The following CENPX variants were observed in gnomAD, a reference collection of about 807,000 sequenced individuals.
CENPX encodes centromere protein X.
In CENPX, 13 loss-of-function variants were observed where a neutral mutation model predicts 13.2. The ratio of observed to expected loss-of-function variants is 0.98; its 90% CI spans 0.64 to 1.56. CENPX has a LOEUF of 1.56. Ranked by LOEUF, CENPX falls within the 40% of genes most tolerant of loss-of-function variation. The pLI, the probability that CENPX is intolerant of heterozygous loss-of-function variation, is 0.00. For missense variants in CENPX, 138 were observed against 107.5 expected, an observed-to-expected ratio of 1.28 and a Z score of -1.26; for synonymous variants, 66 against 47.2, an observed-to-expected ratio of 1.40 and a Z score of -1.63.
intron 3 of CENPX, 84 bp from the exon 4 acceptor site, chr17:82,019,465 C>T (rs531244779): frequency 2.0e-6 from 3 of 1,510,624 alleles, no homozygotes; most frequent in Non-Finnish European, 8.9e-7. Flanking sequence ...GGGCCGGTGC[C>T]CCCCCCAACA....
At chr17:82,021,912 C>G (rs978757410) in intron 1 of CENPX, among the ~76,000 whole-genome samples, 1 of 152,198 alleles carries the variant, frequency 6.6e-6, no homozygotes, top group African/African-American at 2.4e-5. Context: ...CGCCTGCTGC[C>G]TTGGGTGATA....
At chr17:82,020,985 G>A (rs946388617) in intron 1 of CENPX, among the ~76,000 whole-genome samples, 3 of 152,226 alleles carry the variant, frequency 2.0e-5, no homozygotes, top group Non-Finnish European at 4.4e-5. Context: ...CGCCGGGAAA[G>A]GAGCCAGCAC....
chr17:82,019,947 T>G, intron 1 of CENPX, 38 bp from the exon 2 acceptor site: 10 of 1,247,754 alleles, frequency 8.0e-6, no homozygotes, highest in Non-Finnish European at 9.7e-6. Flanking sequence ...CGCCCCGCCC[T>G]CCCCCCCGCA....
intron 1 of CENPX, 48 bp from the exon 2 acceptor site, chr17:82,019,957 ACC>A: frequency 8.8e-7 from 1 of 1,139,862 alleles, no homozygotes; most frequent in Non-Finnish European, 1.2e-6. Context: ...TCCCCCCCGC[ACC>A]CCCCAGGGTG....
chr17:82,022,578 C>T (rs1454082941), intron 1 of CENPX: 5 of 572,130 alleles, frequency 8.7e-6, no homozygotes, highest in Non-Finnish European at 1.5e-5. Context: ...CCCACCCCTG[C>T]CTGTTTCTGC....
Position 82,019,319 on chromosome 17 carries a change from G to C in CENPX, c.205C>G (p.Gln69Glu), listed in dbSNP as rs974156054. 1 of 1,589,450 alleles carries C rather than the reference G, an allele frequency of 6.3e-7. No individual in the cohort carries two copies. Among genetic ancestry groups the C allele is most frequent in the Non-Finnish European group, 8.5e-7 (1 of 1,169,626 alleles). ...AGCTGCGGAAGCACCTTCTCCAGCT[G>C]GTCCACGTCCACACGGAGCGCGTCT... ...AEDALRVDVD[Q>E]LEKVLPQLLL... Residue 69 changes from glutamine (Q) to glutamate (E), a missense_variant, in exon 4 of 5, where the codon CAG becomes GAG. By Grantham distance (29) the Gln-to-Glu change is conservative. Transcript: ENST00000392359.
chr17:82,019,476 C>G (rs766282544), intron 3 of CENPX, 95 bp from the exon 4 acceptor site: 1 of 1,509,838 alleles, frequency 6.6e-7, no homozygotes, highest in Admixed American at 2.0e-5. Context: ...CCCCCCAACA[C>G]CCACGGGCAG....
chr17:82,022,871 C>T lies in CENPX; in HGVS notation c.-10G>A, dbSNP rs764769043. 2 of 1,589,288 alleles carry T rather than the reference C, an allele frequency of 1.3e-6. No homozygotes were observed. The highest frequency in any genetic ancestry group is 2.3e-5 in the East Asian group (1 of 43,862). On this transcript the variant is annotated 5_prime_UTR_variant, in exon 1 of 5. Transcript: ENST00000392359. ...CTCCTGCTCCCTCCATGACCGCAGC[C>T]TCAACGCGCGCCCACCGGAACCCCG...
chr17:82,019,167 G>A lies in CENPX; in HGVS notation c.*38C>T, dbSNP rs765539366. ...ACAAGGCCTGCTTCTGTGGACCAGG[G>A]GCTCCTCTGGGGGTGGCCTCAGCCA... On this transcript the variant is annotated 3_prime_UTR_variant, in exon 5 of 5. Transcript: ENST00000392359. 2 of 1,523,000 alleles carry A rather than the reference G, an allele frequency of 1.3e-6. No homozygotes were observed. The highest frequency in any genetic ancestry group is 4.6e-5 in the East Asian group (2 of 43,638). The allele number at this position is 1,523,000 out of a possible 1,614,324, so 94.3% of individuals were successfully genotyped here.
chr17:82,021,414 ACTG>A (rs1230854688), intron 1 of CENPX, among the ~76,000 whole-genome samples: 1 of 152,182 alleles, frequency 6.6e-6, no homozygotes, highest in African/African-American at 2.4e-5. Flanking sequence ...GACCCCCAAC[ACTG>A]CTGCCCCAGG....
intron 1 of CENPX, 49 bp from the exon 2 acceptor site, chr17:82,019,958 C>A (rs559927127): frequency 6.7e-6 from 10 of 1,490,744 alleles, no homozygotes; most frequent in Middle Eastern, 1.9e-4. Context: ...CCCCCCCGCA[C>A]CCCCCAGGGT....
chr17:82,020,716 G>C (rs549290266), intron 1 of CENPX, among the ~76,000 whole-genome samples: 3 of 152,316 alleles, frequency 2.0e-5, no homozygotes, highest in African/African-American at 7.2e-5. Context: ...CTTTCTGATG[G>C]ATGGAGGACG....
chr17:82,021,271 C>T (rs898759632), intron 1 of CENPX, among the ~76,000 whole-genome samples: 1 of 152,214 alleles, frequency 6.6e-6, no homozygotes, highest in African/African-American at 2.4e-5. Flanking sequence ...CCTTGCTGTT[C>T]CCTAGCCAGG....
chr17:82,022,845 G>A lies in CENPX; in HGVS notation c.17C>T (p.Ala6Val), dbSNP rs1354855133. The A allele has an allele frequency of 6.3e-7, 1 of 1,593,012 alleles. No individual in the cohort carries two copies. The highest frequency in any genetic ancestry group is 2.3e-5 in the East Asian group (1 of 44,076). The change falls in exon 1 of 5, where the codon GCT becomes GTT. Residue 6 changes from alanine to valine, a missense_variant. Coordinates refer to ENST00000392359, the MANE Select transcript of CENPX (RefSeq NM_001271006.2). Reference protein sequence around the residue: MEGAGAGSGFRKELVS... With the variant: MEGAGVGSGFRKELVS... ...CCTCACCTTCCGGAAGCCGGATCCA[G>A]CTCCTGCTCCCTCCATGACCGCAGC...
chr17:82,022,648 G>A (rs1320148128), intron 1 of CENPX, 178 bp downstream of exon 1: 13 of 699,288 alleles, frequency 1.9e-5, no homozygotes, highest in Non-Finnish European at 2.6e-5. Flanking sequence ...CCAGCTGCGA[G>A]ACACCAGCCC....
At chr17:82,020,471 G>T (rs2043261717) in intron 1 of CENPX, among the ~76,000 whole-genome samples, 2 of 152,220 alleles carry the variant, frequency 1.3e-5, no homozygotes, top group African/African-American at 2.4e-5. Flanking sequence ...GGAGGTGCTG[G>T]TGTCCTGGGA....
intron 1 of CENPX, chr17:82,022,514 C>A (rs544400180): frequency 3.9e-6 from 2 of 518,640 alleles, no homozygotes; most frequent in Non-Finnish European, 6.8e-6. Context: ...GGGCGCAGGG[C>A]GGCGGCCCAG....
At chr17:82,020,120 G>A (rs2043255207) in intron 1 of CENPX, among the ~76,000 whole-genome samples, 2 of 152,226 alleles carry the variant, frequency 1.3e-5, no homozygotes, top group Admixed American at 6.5e-5. Flanking sequence ...GGGGGCGCCA[G>A]GGCCCTGCAC....
chr17:82,021,943 G>A (rs1475758159), intron 1 of CENPX, among the ~76,000 whole-genome samples: 3 of 152,194 alleles, frequency 2.0e-5, no homozygotes, highest in Non-Finnish European at 4.4e-5. Context: ...TGATTCAGGA[G>A]AAACAGAATT....
Sources: gnomAD v4.1 joint callset for allele counts (sites outside exome capture counted in the v4.1 genomes callset) on GRCh38, gnomAD v4.1.1 for gene constraint, MANE v1.5 for transcripts, NCBI Gene and HGNC (gene_info 2026-07-23, HGNC 2026-07-21) for gene names.